Variants in RHBDD1 observed in about 807,000 individuals in gnomAD.
RHBDD1 encodes rhomboid domain containing 1.
In RHBDD1, 38 loss-of-function variants were observed where a neutral mutation model predicts 36.3. The observed-to-expected ratio is 1.05, with a 90% CI of 0.81 to 1.37. The LOEUF is 1.37. RHBDD1 is among the 40% of genes most tolerant of loss of function. The probability of loss-of-function intolerance (pLI) is 0.00; values close to 1 mark genes in which losing one functional copy is unlikely to be tolerated. For missense variants in RHBDD1, 393 were observed against 377.6 expected, an observed-to-expected ratio of 1.04 and a Z score of -0.34; for synonymous variants, 151 against 136.5, an observed-to-expected ratio of 1.11 and a Z score of -0.74.
At chr2:226,888,348 C>A (rs980958055) in intron 5 of RHBDD1, among the ~76,000 whole-genome samples, 1 of 151,228 alleles carries the variant, frequency 6.6e-6, no homozygotes, top group Non-Finnish European at 1.5e-5. Flanking sequence ...TAGAATAGAT[C>A]AAAAATTCAG....
At chr2:226,865,400 G>C (rs1175077490) in intron 4 of RHBDD1, among the ~76,000 whole-genome samples, 1 of 152,166 alleles carries the variant, frequency 6.6e-6, no homozygotes, top group Non-Finnish European at 1.5e-5. Flanking sequence ...CCTTATGGTA[G>C]GGTCACAGAA....
intron 8 of RHBDD1, among the ~76,000 whole-genome samples, chr2:226,940,992 G>A (rs1950626071): frequency 1.3e-5 from 2 of 151,732 alleles, no homozygotes; most frequent in Non-Finnish European, 2.9e-5. Flanking sequence ...TATTGCCCAG[G>A]CTGGAGTGCA....
chr2:226,820,746 T>C, the RHBDD1 span, among the ~76,000 whole-genome samples: 1 of 151,348 alleles, frequency 6.6e-6, no homozygotes, highest in South Asian at 2.1e-4. Context: ...GCATGAGCCC[T>C]GGAGTTTACG....
chr2:226,861,196 A>G (rs1306702644), intron 3 of RHBDD1, among the ~76,000 whole-genome samples: 2 of 152,216 alleles, frequency 1.3e-5, no homozygotes, highest in Admixed American at 6.5e-5. Flanking sequence ...ATCCTGATAA[A>G]AAGAATTACA....
At chr2:226,988,641 T>C (rs1230062316) in intron 8 of RHBDD1, 1 of 1,325,660 alleles carries the variant, frequency 7.5e-7, no homozygotes, top group Non-Finnish European at 9.6e-7. Flanking sequence ...CCCTGGAGCT[T>C]CTGAGAGGAA....
At chr2:226,840,572 G>A (rs1037365545) in intron 3 of RHBDD1, among the ~76,000 whole-genome samples, 6 of 152,094 alleles carry the variant, frequency 3.9e-5, no homozygotes, top group Admixed American at 3.3e-4. Flanking sequence ...GCCATCTATG[G>A]ATAAAGAAAC....
the RHBDD1 span, among the ~76,000 whole-genome samples, chr2:226,818,246 G>A: frequency 7.5e-6 from 1 of 134,134 alleles, no homozygotes; most frequent in African/African-American, 2.8e-5. Flanking sequence ...TGCAACCTCC[G>A]CCTCCCATGT....
At chr2:226,930,007 A>G (rs1949923734) in intron 8 of RHBDD1, among the ~76,000 whole-genome samples, 1 of 152,078 alleles carries the variant, frequency 6.6e-6, no homozygotes, top group African/African-American at 2.4e-5. Context: ...AATAAATCAT[A>G]GATGATACAA....
chr2:226,984,097 G>A (rs911293948), intron 8 of RHBDD1, among the ~76,000 whole-genome samples: 14 of 152,192 alleles, frequency 9.2e-5, no homozygotes, highest in Admixed American at 2.0e-4. Context: ...AGAAAGATGT[G>A]CTTTCTTCTC....
At chr2:226,983,358 G>A (rs577768649) in intron 8 of RHBDD1, among the ~76,000 whole-genome samples, 6 of 152,138 alleles carry the variant, frequency 3.9e-5, no homozygotes, top group Non-Finnish European at 8.8e-5. Flanking sequence ...ATGTGGCACG[G>A]AAGTATTGGG....
At chr2:226,841,169 G>C (rs1219774452) in intron 3 of RHBDD1, among the ~76,000 whole-genome samples, 1 of 151,914 alleles carries the variant, frequency 6.6e-6, no homozygotes, top group Non-Finnish European at 1.5e-5. Flanking sequence ...GTCTCACTCT[G>C]TTACCTAGAT....
At chr2:226,876,454 T>G (rs145501515) in intron 5 of RHBDD1, among the ~76,000 whole-genome samples, 1 of 152,322 alleles carries the variant, frequency 6.6e-6, no homozygotes, top group Admixed American at 6.5e-5. Context: ...CCATTTAAGC[T>G]CTTTACGTAT....
chr2:226,905,613 A>G (rs183195603), intron 5 of RHBDD1, among the ~76,000 whole-genome samples: 212 of 152,312 alleles, frequency 1.4e-3, no homozygotes, highest in African/African-American at 4.9e-3. Flanking sequence ...CAGGAGGATA[A>G]CTGATGGCCG....
chr2:226,871,632 AGAATAT>A (rs1944806734), intron 5 of RHBDD1, among the ~76,000 whole-genome samples: 1 of 152,206 alleles, frequency 6.6e-6, no homozygotes, highest in Admixed American at 6.5e-5. Flanking sequence ...CTCGTTTTAT[AGAATAT>A]CCCACACTCT....
intron 8 of RHBDD1, among the ~76,000 whole-genome samples, chr2:226,975,392 A>G (rs1388577647): frequency 6.6e-6 from 1 of 152,200 alleles, no homozygotes; most frequent in Non-Finnish European, 1.5e-5. Flanking sequence ...GCTGGAGGTG[A>G]GGGAGGCCCG....
intron 8 of RHBDD1, chr2:226,988,833 C>A: frequency 7.2e-6 from 3 of 414,860 alleles, no homozygotes; most frequent in South Asian, 1.0e-4. Context: ...CTGACTTTTG[C>A]AGCTAGACCT....
intron 8 of RHBDD1, among the ~76,000 whole-genome samples, chr2:226,935,044 A>G (rs1443282760): frequency 9.2e-5 from 14 of 152,038 alleles, no homozygotes. Context: ...AATGGCCACA[A>G]TCACACTTTG....
chr2:226,886,393 G>T (rs1946205739), intron 5 of RHBDD1, among the ~76,000 whole-genome samples: 1 of 152,204 alleles, frequency 6.6e-6, no homozygotes, highest in African/African-American at 2.4e-5. Flanking sequence ...AGCAAGGAAA[G>T]ATGTGAGATC....
At chr2:226,813,694 T>G in the RHBDD1 span, among the ~76,000 whole-genome samples, 3 of 152,194 alleles carry the variant, frequency 2.0e-5, no homozygotes, top group Admixed American at 6.5e-5. Flanking sequence ...TCACATTGAA[T>G]TATTGTGGAG....
Sources: gnomAD v4.1 joint callset for allele counts (sites outside exome capture counted in the v4.1 genomes callset) on GRCh38, gnomAD v4.1.1 for gene constraint, MANE v1.5 for transcripts, NCBI Gene and HGNC (gene_info 2026-07-23, HGNC 2026-07-21) for gene names.